UGT2B15: variants seen among roughly 807,000 people sequenced by gnomAD.
The protein encoded by UGT2B15 is UDP glucuronosyltransferase family 2 member B15, also known as UDP-glucuronosyltransferase 2B15.
Under a neutral mutation model 45.9 loss-of-function variants are expected in UGT2B15, and 36 were observed. The observed-to-expected ratio is 0.78, with a 90% CI of 0.60 to 1.04. The LOEUF (loss-of-function observed/expected upper bound fraction) is 1.04, where lower values mean the gene tolerates loss of function less well. Among genes scored for constraint, UGT2B15 ranks in the 50% least tolerant of loss-of-function variants. UGT2B15 has a pLI of 0.00. For missense variants in UGT2B15, 617 were observed against 622.4 expected (o/e 0.99, Z 0.09); for synonymous variants, 219 against 216.4 (o/e 1.01, Z -0.11).
intron 1 of UGT2B15, among the ~76,000 whole-genome samples, 197 bp from the exon 2 acceptor site, chr4:68,668,385 T>G (rs1733205618): frequency 6.6e-6 from 1 of 152,200 alleles, no homozygotes; most frequent in East Asian, 1.9e-4. Context: ...GTTGCTCATA[T>G]GTATATATAA....
intron 2 of UGT2B15, among the ~76,000 whole-genome samples, chr4:68,667,013 C>T (rs1216176217): frequency 6.6e-6 from 1 of 152,070 alleles, no homozygotes. Flanking sequence ...TCCCAAAGTG[C>T]TGGGATTACA....
At chr4:68,659,324 CAAATTAT>C (rs1052234500) in intron 3 of UGT2B15, among the ~76,000 whole-genome samples, 2 of 151,852 alleles carry the variant, frequency 1.3e-5, no homozygotes, top group Non-Finnish European at 2.9e-5. Flanking sequence ...ATTTTCCAAA[CAAATTAT>C]AAATTATGAT....
intron 3 of UGT2B15, among the ~76,000 whole-genome samples, chr4:68,659,484 A>T (rs866492908): frequency 6.6e-6 from 1 of 152,006 alleles, no homozygotes; most frequent in Non-Finnish European, 1.5e-5. Context: ...CTGTATTTAT[A>T]TAAGTATGTT....
chr4:68,646,948 A>G lies in UGT2B15; in HGVS notation c.*156T>C. The G allele has an allele frequency of 1.7e-6, 2 of 1,146,568 alleles. No individual in the cohort carries two copies. The highest frequency in any genetic ancestry group is 3.2e-5 in the South Asian group (2 of 62,282). 71.0% of individuals were successfully genotyped at this position (1,146,568 alleles called of 1,614,324 possible). ...ATAGAATAATTCAGCTAAAGTACGT[A>G]TTAAATCCCTGGAAAATAAATTTTG... is the stretch of plus-strand genomic sequence containing the variant. On this transcript the variant is annotated 3_prime_UTR_variant, in exon 6 of 6. Transcript: ENST00000338206.
chr4:68,667,601 T>G (rs887500329), intron 2 of UGT2B15, among the ~76,000 whole-genome samples: 24 of 152,300 alleles, frequency 1.6e-4, no homozygotes, highest in African/African-American at 4.6e-4. Flanking sequence ...ATCATTGTGG[T>G]CTTTCCTTAT....
chr4:68,669,806 T>A, intron 1 of UGT2B15, 89 bp downstream of exon 1: 1 of 1,488,362 alleles, frequency 6.7e-7, no homozygotes, highest in Non-Finnish European at 9.0e-7. Flanking sequence ...TTAAAAACAC[T>A]ATCTTCTGAC....
chr4:68,652,053 C>T (rs1414092251), intron 5 of UGT2B15, among the ~76,000 whole-genome samples: 2 of 152,028 alleles, frequency 1.3e-5, no homozygotes, highest in Non-Finnish European at 2.9e-5. Context: ...ATTCCTTCAG[C>T]AGTGGTTTCT....
Position 68,670,166 on chromosome 4 carries a change from T to C in UGT2B15, c.453A>G (p.Ala151=). The change falls in exon 1 of 6, where the codon GCA becomes GCG. Residue 151 remains alanine (A), a synonymous_variant. Transcript: ENST00000338206. ...LQESKFDVIL[A]DALNPCGELL... The stretch of plus-strand genomic sequence containing the variant: ...GCTCACCACAGGGATTAAGGGCATC[T>C]GCCAGAATGACATCAAACTTTGACT... 8 of 1,614,118 alleles carry C rather than the reference T, an allele frequency of 5.0e-6. No homozygotes were observed. The highest frequency in any genetic ancestry group is 6.8e-6 in the Non-Finnish European group (8 of 1,179,988).
chr4:68,662,194 A>AC, intron 3 of UGT2B15, among the ~76,000 whole-genome samples: 1 of 152,204 alleles, frequency 6.6e-6, no homozygotes, highest in East Asian at 1.9e-4. Context: ...ATAAGTTCCT[A>AC]CCATGTTTAT....
intron 5 of UGT2B15, among the ~76,000 whole-genome samples, chr4:68,653,685 G>A (rs1283301798): frequency 6.6e-6 from 1 of 151,806 alleles, no homozygotes; most frequent in African/African-American, 2.4e-5. Context: ...AGAAAGAATA[G>A]ATTCATACTT....
At chr4:68,655,967 T>G (rs1415229763) in intron 3 of UGT2B15, among the ~76,000 whole-genome samples, 3 of 152,100 alleles carry the variant, frequency 2.0e-5, no homozygotes, top group Admixed American at 1.3e-4. Context: ...GTCCTATCAG[T>G]GCTTGGTACC....
At chr4:68,660,960 T>G (rs1479774092) in intron 3 of UGT2B15, among the ~76,000 whole-genome samples, 1 of 152,006 alleles carries the variant, frequency 6.6e-6, no homozygotes, top group African/African-American at 2.4e-5. Flanking sequence ...GATTTTTCTT[T>G]TGTTTGGTTT....
intron 2 of UGT2B15, among the ~76,000 whole-genome samples, chr4:68,666,748 A>ATTTTTT (rs1455065826): frequency 3.2e-4 from 26 of 82,486 alleles, no homozygotes; most frequent in East Asian, 1.2e-3. Flanking sequence ...ATATATATAT[A>ATTTTTT]TATATTTTTT....
chr4:68,653,404 T>A (rs1732710281), intron 5 of UGT2B15, among the ~76,000 whole-genome samples: 1 of 152,040 alleles, frequency 6.6e-6, no homozygotes, highest in Non-Finnish European at 1.5e-5. Flanking sequence ...ATAAATTGTA[T>A]GATTTCATTT....
Position 68,670,276 on chromosome 4 carries a change from C to G in UGT2B15, c.343G>C (p.Glu115Gln), listed in dbSNP as rs778621483. The G allele has an allele frequency of 3.1e-6, 5 of 1,613,912 alleles. No individual in the cohort carries two copies. In the East Asian group the frequency reaches 1.1e-4, roughly 36 times the overall value. Residue 115 changes from glutamate to glutamine, a missense_variant, in exon 1 of 6, where the codon GAA (glutamate) becomes CAA (glutamine). Around this residue, in one of 3 missense-constraint regions of UGT2B15, gnomAD observed 351 missense variants for 342.1 expected, o/e 1.03. Transcript: ENST00000338206. Reference protein sequence around the residue: ...TFWSYFSQLQELCWEYYDYSN... With the variant: ...TFWSYFSQLQQLCWEYYDYSN... Reference sequence around the variant, plus strand: ...TAGTCATAATATTCCCAACACAATTCTTGTAATTGTGAAAAATATGACCAA... The same window carrying G: ...TAGTCATAATATTCCCAACACAATTGTTGTAATTGTGAAAAATATGACCAA...
chr4:68,666,905 C>G (rs1056465453), intron 2 of UGT2B15, among the ~76,000 whole-genome samples: 3 of 151,588 alleles, frequency 2.0e-5, no homozygotes, highest in Admixed American at 1.3e-4. Context: ...TGCCAACATG[C>G]CTGGCTAACT....
At chr4:68,655,010 C>G in intron 4 of UGT2B15, 85 bp downstream of exon 4, 1 of 1,456,064 alleles carries the variant, frequency 6.9e-7, no homozygotes, top group Non-Finnish European at 9.5e-7. Flanking sequence ...ATAATAAATG[C>G]TAAATATGTT....
In UGT2B15 at chr4:68,670,198, G is replaced by C; in HGVS notation, c.421C>G (p.Leu141Val). The change falls in exon 1 of 6, where the codon CTA becomes GTA. Residue 141 changes from leucine to valine, a missense_variant. This residue lies in a region of UGT2B15 where 351 missense variants were observed against 342.1 expected (regional missense o/e 1.03). Transcript: ENST00000338206. ...ATGACATCAAACTTTGACTCTTGTA[G>C]TTTCATCATAAGTTTCTTATTCAAA... is the stretch of plus-strand genomic sequence containing the variant. ...AVLNKKLMMK[L>V]QESKFDVILA... 6.2e-7 allele frequency: 1 copy of C among 1,614,014 alleles called. No homozygotes were observed. Among genetic ancestry groups the C allele is most frequent in the African/African-American group, 1.3e-5 (1 of 75,024 alleles).
chr4:68,656,853 G>T (rs1383633817), intron 3 of UGT2B15, among the ~76,000 whole-genome samples: 1 of 151,850 alleles, frequency 6.6e-6, no homozygotes, highest in Non-Finnish European at 1.5e-5. Context: ...TGATCTCTTT[G>T]GCTTTGAGAT....
Sources: gnomAD v4.1 joint callset for allele counts (sites outside exome capture counted in the v4.1 genomes callset) on GRCh38, gnomAD v4.1.1 for gene constraint, gnomAD v4.1.1 regional missense constraint, MANE v1.5 for transcripts, NCBI Gene and HGNC (gene_info 2026-07-23, HGNC 2026-07-21) for gene names.